The following RFX6 variants were observed in gnomAD, a reference collection of about 807,000 sequenced individuals.
The protein encoded by RFX6 is DNA-binding protein RFX6.
A neutral mutation model predicts 110.8 loss-of-function variants in RFX6; 50 were observed. The ratio of observed to expected loss-of-function variants is 0.45; its 90% CI spans 0.36 to 0.57. RFX6 has a LOEUF of 0.57. Ranked by LOEUF, RFX6 falls within the 20% of genes least tolerant of loss-of-function variation. The probability of loss-of-function intolerance (pLI) is 0.00; values close to 1 mark genes in which losing one functional copy is unlikely to be tolerated. For missense variants in RFX6, 990 were observed against 1,127.0 expected, an observed-to-expected ratio of 0.88 and a Z score of 1.74; for synonymous variants, 383 against 411.2, an observed-to-expected ratio of 0.93 and a Z score of 0.83.
intron 4 of RFX6, among the ~76,000 whole-genome samples, chr6:116,889,512 A>G (rs1414809696): frequency 6.6e-6 from 1 of 152,062 alleles, no homozygotes; most frequent in African/African-American, 2.4e-5. Context: ...TTTGCCTGAG[A>G]TATCAGGCAA....
rs1486932192 is a variant in RFX6 at position 116,899,145 on chromosome 6, T to C, written c.672+3938T>C. Among the ~76,000 whole-genome samples, 19 of 151,864 alleles carry C rather than the reference T, an allele frequency of 1.3e-4. 1 individual carries two copies. Among genetic ancestry groups the C allele is most frequent in the Admixed American group, 1.2e-3 (19 of 15,248 alleles). On this transcript the variant is annotated intron_variant, in intron 6 of 18. Transcript: ENST00000332958. The stretch of plus-strand genomic sequence containing the variant: ...AATGCAAAATATTCAGGAACAGTTA[T>C]AATAAGAGAAGCATACTGCCTATTT...
At chr6:116,918,856 C>T (rs1775530910) in intron 10 of RFX6, among the ~76,000 whole-genome samples, 1 of 151,988 alleles carries the variant, frequency 6.6e-6, no homozygotes, top group South Asian at 2.1e-4. Context: ...CTATTCTGTA[C>T]TCTGAATTGG....
chr6:116,931,437 T>C lies in RFX6; in HGVS notation c.2718T>C (p.Ser906=). Residue 906 remains serine, a synonymous_variant, in exon 19 of 19, where the codon AGT becomes AGC. Transcript: ENST00000332958. ...QETLDSHGTS[S]REMVSSLPPI... ...CCCTGGACTCCCATGGAACAAGCAG[T>C]AGAGAAATGGTGTCCTCTTTACCAC... is the stretch of plus-strand genomic sequence containing the variant. 1 of 1,613,270 alleles carries C rather than the reference T, an allele frequency of 6.2e-7. No homozygotes were observed. The highest frequency in any genetic ancestry group is 8.5e-7 in the Non-Finnish European group (1 of 1,179,276).
intron 14 of RFX6, 58 bp from the exon 15 acceptor site, chr6:116,924,609 CTT>C (rs1775668716): frequency 1.3e-6 from 2 of 1,497,620 alleles, no homozygotes; most frequent in East Asian, 4.5e-5. Flanking sequence ...CTTTCCTTCT[CTT>C]TCTCTCCCCT....
intron 6 of RFX6, among the ~76,000 whole-genome samples, chr6:116,909,660 T>C (rs1775288521): frequency 6.7e-6 from 1 of 149,816 alleles, no homozygotes; most frequent in African/African-American, 2.4e-5. Flanking sequence ...TGAAAAGAGA[T>C]TAATAAAGTA....
intron 9 of RFX6, 107 bp from the exon 10 acceptor site, chr6:116,917,930 A>G (rs1310523289): frequency 1.3e-6 from 1 of 767,540 alleles, no homozygotes; most frequent in African/African-American, 1.7e-5. Flanking sequence ...AGGAGTTAAC[A>G]TGTTATTCTC....
At position 116,882,354 on chromosome 6, in the gene RFX6, T is replaced by C. The variant is rs1056288916; in HGVS notation, c.505-13T>C. ...TACTTTCTAACGCCTAAAGTAATCA[T>C]CTTTCTTTTTAGACAATTCGCCAGA... On this transcript the variant is annotated splice_polypyrimidine_tract_variant and intron_variant, in intron 3 of 18. Coordinates refer to ENST00000332958, the MANE Select transcript of RFX6 (RefSeq NM_173560.4). The C allele has an allele frequency of 4.4e-6, 7 of 1,608,042 alleles. No homozygotes were observed. In the African/African-American group the frequency reaches 8.0e-5, roughly 18 times the overall value.
Position 116,918,055 on chromosome 6 carries a change from A to C in RFX6, c.991A>C (p.Ile331Leu). The change falls in exon 10 of 19, where the codon ATT becomes CTT. Residue 331 changes from isoleucine (I) to leucine (L), a missense_variant. Ile to Leu is a conservative substitution (Grantham distance 5). Coordinates refer to ENST00000332958, the MANE Select transcript of RFX6 (RefSeq NM_173560.4). ...GATTAAGGTTCTTACAGATGTACTC[A>C]TTCCTGCAACAATGCAAGAAATGCC... ...ILYKVLTDVL[I>L]PATMQEMPES... 1 of 1,608,496 alleles carries C rather than the reference A, an allele frequency of 6.2e-7. No individual in the cohort carries two copies. The highest frequency in any genetic ancestry group is 1.3e-5 in the African/African-American group (1 of 74,934).
At chr6:116,881,295 T>C (rs911373915) in intron 3 of RFX6, among the ~76,000 whole-genome samples, 2 of 152,018 alleles carry the variant, frequency 1.3e-5, no homozygotes, top group Non-Finnish European at 2.9e-5. Flanking sequence ...GAAAGCCTTG[T>C]TCTTTAAGAT....
chr6:116,904,147 G>A (rs1296818322), intron 6 of RFX6, among the ~76,000 whole-genome samples: 1 of 151,972 alleles, frequency 6.6e-6, no homozygotes, highest in African/African-American at 2.4e-5. Context: ...AACAACTGAT[G>A]AGCTAGAATA....
chr6:116,922,282 C>T, intron 13 of RFX6, 131 bp downstream of exon 13: 1 of 686,404 alleles, frequency 1.5e-6, no homozygotes, highest in Non-Finnish European at 2.7e-6. Flanking sequence ...GCTTTTGATG[C>T]TCTACGAATA....
chr6:116,894,994 C>G (rs1264774440), intron 5 of RFX6, among the ~76,000 whole-genome samples, 186 bp from the exon 6 acceptor site: 1 of 151,888 alleles, frequency 6.6e-6, no homozygotes, highest in Non-Finnish European at 1.5e-5. Context: ...TACTTTTTTT[C>G]TAAAGAACTT....
Position 116,931,454 on chromosome 6 carries a change from C to T in RFX6, c.2735C>T (p.Ser912Phe). The T allele has an allele frequency of 6.2e-7, 1 of 1,613,568 alleles. No individual in the cohort carries two copies. Among genetic ancestry groups the T allele is most frequent in the South Asian group, 1.1e-5 (1 of 91,068 alleles). ...ACAAGCAGTAGAGAAATGGTGTCCT[C>T]TTTACCACCTATCAACACTGTGTTC... ...HGTSSREMVS[S>F]LPPINTVFMG... Residue 912 changes from serine to phenylalanine, a missense_variant, in exon 19 of 19, where the codon TCT becomes TTT. By Grantham distance (155) the Ser-to-Phe change is radical (BLOSUM62 -2). Transcript: ENST00000332958.
chr6:116,927,441 A>G lies in RFX6; in HGVS notation c.2300A>G (p.His767Arg). 1 of 1,614,130 alleles carries G rather than the reference A, an allele frequency of 6.2e-7. No individual in the cohort carries two copies. Among genetic ancestry groups the G allele is most frequent in the Non-Finnish European group, 8.5e-7 (1 of 1,180,012 alleles). Residue 767 changes from histidine (H) to arginine (R), a missense_variant, in exon 17 of 19, where the codon CAC (histidine) becomes CGC (arginine). This residue lies in a region of RFX6 where 438 missense variants were observed against 441.9 expected (regional missense o/e 0.99). Coordinates refer to ENST00000332958, the MANE Select transcript of RFX6 (RefSeq NM_173560.4). Reference sequence around the variant, plus strand: ...CCATCCCTGCAAGCCCAGGATTCACACAATATGCAGTTTTTAAATACAGGA... The same window carrying G: ...CCATCCCTGCAAGCCCAGGATTCACGCAATATGCAGTTTTTAAATACAGGA... ...YGPSLQAQDS[H>R]NMQFLNTGSF...
rs2114673845 is a variant in RFX6, at chr6:116,895,221, TCATCTCTATTTTA to T, written c.672+20_672+32del. 1 of 1,389,834 alleles carries T rather than the reference TCATCTCTATTTTA, an allele frequency of 7.2e-7. No individual in the cohort carries two copies. Among genetic ancestry groups the T allele is most frequent in the East Asian group, 2.3e-5 (1 of 43,570 alleles). 86.1% of individuals were successfully genotyped at this position (1,389,834 alleles called of 1,614,324 possible). On this transcript the variant is annotated intron_variant, in intron 6 of 18. Coordinates refer to ENST00000332958, the MANE Select transcript of RFX6 (RefSeq NM_173560.4). ...CTAAAGAATGAGGTAAGAATTATTTTCATCTCTATTTTACATCTGCTATAATATGTCTTACAAG... is the reference window on the plus strand; with the variant it reads ...CTAAAGAATGAGGTAAGAATTATTTTCATCTGCTATAATATGTCTTACAAG...
intron 7 of RFX6, 93 bp downstream of exon 7, chr6:116,911,135 C>T: frequency 2.3e-6 from 2 of 864,676 alleles, no homozygotes; most frequent in Admixed American, 1.8e-5. Context: ...AGGAAGCAAT[C>T]AGAAATCTGC....
rs1775882542 is a variant in RFX6, at chr6:116,931,438, A to G, written c.2719A>G (p.Arg907Gly). The G allele has an allele frequency of 6.2e-7, 1 of 1,613,172 alleles. No homozygotes were observed. The highest frequency in any genetic ancestry group is 8.5e-7 in the Non-Finnish European group (1 of 1,179,250). ...CCTGGACTCCCATGGAACAAGCAGT[A>G]GAGAAATGGTGTCCTCTTTACCACC... ...ETLDSHGTSS[R>G]EMVSSLPPIN... The change falls in exon 19 of 19, where the codon AGA (arginine) becomes GGA (glycine). Residue 907 changes from arginine to glycine, a missense_variant. Arg to Gly is a moderately radical substitution (Grantham distance 125). Transcript: ENST00000332958.
At chr6:116,914,399 ATCTC>A (rs1367332600) in intron 7 of RFX6, among the ~76,000 whole-genome samples, 4 of 152,152 alleles carry the variant, frequency 2.6e-5, no homozygotes, top group African/African-American at 9.7e-5. Flanking sequence ...GAGAGCAGAT[ATCTC>A]TCTTTGATAT....
intron 18 of RFX6, among the ~76,000 whole-genome samples, chr6:116,930,874 A>G (rs1470957645): frequency 1.3e-5 from 2 of 152,148 alleles, no homozygotes; most frequent in African/African-American, 2.4e-5. Context: ...GGAAGCCACT[A>G]TGGCATTTGA....
Sources: allele counts gnomAD v4.1 joint callset (sites outside exome capture counted in the v4.1 genomes callset), GRCh38; gene constraint gnomAD v4.1.1; regional missense constraint gnomAD v4.1.1; transcripts MANE v1.5; gene names NCBI Gene and HGNC (gene_info 2026-07-23, HGNC 2026-07-21).